Variants in DCLK2 observed in about 807,000 individuals in gnomAD.
DCLK2 encodes serine/threonine-protein kinase DCLK2.
In DCLK2, 31 loss-of-function variants were observed where a neutral mutation model predicts 78.4. That is an observed-to-expected ratio of 0.40 (90% CI 0.30 to 0.53). The LOEUF is 0.53. DCLK2 is among the 20% of genes least tolerant of loss of function. The pLI is 0.61. For missense variants in DCLK2, 872 were observed against 973.7 expected (o/e 0.90, Z 1.39); for synonymous variants, 407 against 374.9 (o/e 1.09, Z -0.99).
chr4:150,100,237 T>C (rs1730793402), intron 1 of DCLK2, among the ~76,000 whole-genome samples: 1 of 152,162 alleles, frequency 6.6e-6, no homozygotes, highest in African/African-American at 2.4e-5. Context: ...GGAAACATTA[T>C]GAAAGGAAGA....
intron 2 of DCLK2, among the ~76,000 whole-genome samples, chr4:150,109,559 G>A (rs559092588): frequency 5.9e-5 from 9 of 152,148 alleles, no homozygotes; most frequent in South Asian, 4.1e-4. Context: ...GGATAGCCTC[G>A]ATCTCCTGAC....
At chr4:150,239,080 G>T (rs564752939) in intron 10 of DCLK2, among the ~76,000 whole-genome samples, 1 of 152,270 alleles carries the variant, frequency 6.6e-6, no homozygotes, top group Non-Finnish European at 1.5e-5. Flanking sequence ...ATAAAGGTCA[G>T]TTTCTACCTC....
At chr4:150,092,961 A>G (rs192584568) in intron 1 of DCLK2, among the ~76,000 whole-genome samples, 1 of 152,332 alleles carries the variant, frequency 6.6e-6, no homozygotes, top group African/African-American at 2.4e-5. Context: ...AAGAAAAAGA[A>G]ATAAAAGGTA....
chr4:150,211,464 C>T (rs754653708), intron 5 of DCLK2, among the ~76,000 whole-genome samples: 31 of 152,122 alleles, frequency 2.0e-4, no homozygotes, highest in African/African-American at 6.8e-4. Flanking sequence ...GCATGAGAAA[C>T]GGGAGCTGGG....
intron 2 of DCLK2, among the ~76,000 whole-genome samples, chr4:150,115,116 A>G (rs1372665116): frequency 6.6e-6 from 1 of 152,082 alleles, no homozygotes; most frequent in Non-Finnish European, 1.5e-5. Context: ...GATTCATTTG[A>G]AAGCCTTGTT....
chr4:150,167,133 T>C (rs944588400), intron 2 of DCLK2, among the ~76,000 whole-genome samples: 4 of 152,184 alleles, frequency 2.6e-5, no homozygotes, highest in African/African-American at 9.7e-5. Flanking sequence ...TAGAATGTGC[T>C]TTCCTGATTT....
rs143713658 is a variant in DCLK2, at chr4:150,144,885, G to A, written c.756+42073G>A. 7.1e-3 allele frequency among the ~76,000 whole-genome samples: 1,080 copies of A among 152,200 alleles called. 13 individuals carry two copies. Among genetic ancestry groups the A allele is most frequent in the South Asian group, 0.036 (174 of 4,824 alleles). ...ATAGGAGTGAGCCACAATGCCTAGCGTGTTTTCTCTAATTCTGCGCAATAT... is the reference window on the plus strand; with the variant it reads ...ATAGGAGTGAGCCACAATGCCTAGCATGTTTTCTCTAATTCTGCGCAATAT... On this transcript the variant is annotated intron_variant, in intron 2 of 15. Coordinates refer to ENST00000296550, the MANE Select transcript of DCLK2 (RefSeq NM_001040260.4).
intron 1 of DCLK2, among the ~76,000 whole-genome samples, chr4:150,098,481 A>G (rs1265288656): frequency 6.6e-6 from 1 of 152,174 alleles, no homozygotes; most frequent in Admixed American, 6.5e-5. Flanking sequence ...AAAAAAATAC[A>G]TATGCGTGGT....
intron 4 of DCLK2, among the ~76,000 whole-genome samples, chr4:150,198,386 C>A (rs1052674406): frequency 6.6e-6 from 1 of 152,110 alleles, no homozygotes; most frequent in African/African-American, 2.4e-5. Flanking sequence ...CACATTTTGA[C>A]CCCTGTATAC....
Position 150,079,337 on chromosome 4 carries a change from A to C in DCLK2, c.310A>C (p.Ile104Leu). ...CTTCCGGTCCTTCGATGCGCTCCTC[A>C]TAGAGCTCACCCGCTCCCTGTCGGA... ...DRFRSFDALL[I>L]ELTRSLSDNV... Residue 104 changes from isoleucine (I) to leucine (L), a missense_variant, in exon 1 of 16, where the codon ATA becomes CTA. Transcript: ENST00000296550. 1.3e-6 allele frequency: 2 copies of C among 1,588,852 alleles called. No homozygotes were observed. The highest frequency in any genetic ancestry group is 1.7e-6 in the Non-Finnish European group (2 of 1,167,662).
intron 11 of DCLK2, among the ~76,000 whole-genome samples, 159 bp downstream of exon 11, chr4:150,240,034 T>G (rs1742797084): frequency 1.3e-5 from 2 of 152,254 alleles, no homozygotes; most frequent in Admixed American, 1.3e-4. Context: ...TTTGTTGCTA[T>G]TGCTGCTTGT....
intron 2 of DCLK2, among the ~76,000 whole-genome samples, chr4:150,179,358 C>T (rs1156886577): frequency 6.6e-6 from 1 of 152,120 alleles, no homozygotes; most frequent in Non-Finnish European, 1.5e-5. Flanking sequence ...TGATGATTTT[C>T]CTAGAAACAT....
chr4:150,149,849 A>G (rs994052756), intron 2 of DCLK2, among the ~76,000 whole-genome samples: 4 of 152,238 alleles, frequency 2.6e-5, no homozygotes, highest in Non-Finnish European at 5.9e-5. Flanking sequence ...GTGGTCTAGT[A>G]ATTTTCAAAG....
intron 2 of DCLK2, among the ~76,000 whole-genome samples, chr4:150,106,864 A>C (rs1043906064): frequency 1.3e-5 from 2 of 152,234 alleles, no homozygotes; most frequent in African/African-American, 4.8e-5. Flanking sequence ...TGACTTCGTT[A>C]TTAAAACTAA....
At chr4:150,166,836 A>G (rs952854191) in intron 2 of DCLK2, among the ~76,000 whole-genome samples, 2 of 152,206 alleles carry the variant, frequency 1.3e-5, no homozygotes, top group Non-Finnish European at 2.9e-5. Context: ...GACAACGCTC[A>G]AAAAGCAGCA....
chr4:150,209,137 A>G (rs1205114282), intron 5 of DCLK2, among the ~76,000 whole-genome samples: 1 of 152,248 alleles, frequency 6.6e-6, no homozygotes, highest in African/African-American at 2.4e-5. Context: ...TTGTAAAATT[A>G]GTTATTAAAG....
At chr4:150,244,218 A>C (rs1272477659) in intron 12 of DCLK2, among the ~76,000 whole-genome samples, 2 of 152,156 alleles carry the variant, frequency 1.3e-5, no homozygotes, top group African/African-American at 4.8e-5. Context: ...TATAGGTGTG[A>C]GCCACTGTGC....
chr4:150,223,073 G>A (rs1741321250), intron 7 of DCLK2, among the ~76,000 whole-genome samples: 1 of 151,990 alleles, frequency 6.6e-6, no homozygotes, highest in Non-Finnish European at 1.5e-5. Flanking sequence ...TTTCTGTTTT[G>A]TTACATCTCC....
chr4:150,147,004 C>G (rs1033748158), intron 2 of DCLK2, among the ~76,000 whole-genome samples: 3 of 152,010 alleles, frequency 2.0e-5, no homozygotes, highest in Admixed American at 6.6e-5. Flanking sequence ...CTGTATGTGG[C>G]CAAGTGTGGT....
Sources: gnomAD v4.1 joint callset for allele counts (sites outside exome capture counted in the v4.1 genomes callset) on GRCh38, gnomAD v4.1.1 for gene constraint, MANE v1.5 for transcripts, NCBI Gene and HGNC (gene_info 2026-07-23, HGNC 2026-07-21) for gene names.